The following ITGA4 variants were observed in gnomAD, a reference collection of about 807,000 sequenced individuals.
ITGA4 encodes integrin alpha-4.
ITGA4 carries 63 observed loss-of-function variants against 133.6 expected under a neutral mutation model. The observed-to-expected ratio is 0.47, with a 90% CI of 0.38 to 0.58. The LOEUF (loss-of-function observed/expected upper bound fraction) is 0.58, where lower values mean the gene tolerates loss of function less well. Among genes scored for constraint, ITGA4 ranks in the 20% least tolerant of loss-of-function variants. The pLI is 0.00. For synonymous variants in ITGA4, 483 were observed against 438.0 expected, an observed-to-expected ratio of 1.10 and a Z score of -1.28; for missense variants, 1,076 against 1,252.7, an observed-to-expected ratio of 0.86 and a Z score of 2.13.
At chr2:181,504,648 AG>A (rs1249710236) in intron 15 of ITGA4, among the ~76,000 whole-genome samples, 1 of 152,090 alleles carries the variant, frequency 6.6e-6, no homozygotes, top group Non-Finnish European at 1.5e-5. Flanking sequence ...ATTCTTCATT[AG>A]ATTGCAAGAT....
In ITGA4 at chr2:181,523,309, G is replaced by A; in HGVS notation, c.2074-128G>A. 1.7e-6 allele frequency: 1 copy of A among 592,040 alleles called. No individual in the cohort carries two copies. The highest frequency in any genetic ancestry group is 3.0e-6 in the Non-Finnish European group (1 of 330,320). The allele number at this position is 592,040 out of a possible 1,614,324, so 36.7% of individuals were successfully genotyped here. The stretch of plus-strand genomic sequence containing the variant: ...TCTATTTATCTCAAACATATAAATA[G>A]AAAATAGTTTTCCTAGAAAAGCAAA... On this transcript the variant is annotated intron_variant, in intron 18 of 27. Transcript: ENST00000397033. This position sits in a 1 kb window ranked among gnomAD's most constrained non-coding sequence, Gnocchi z 4.2.
chr2:181,519,254 A>G (rs1484661534), intron 17 of ITGA4, among the ~76,000 whole-genome samples: 1 of 152,100 alleles, frequency 6.6e-6, no homozygotes, highest in Non-Finnish European at 1.5e-5. Context: ...AAAATACAAA[A>G]CCGAACAAAA....
At chr2:181,461,293 G>A (rs1289569407) in intron 2 of ITGA4, among the ~76,000 whole-genome samples, 1 of 150,316 alleles carries the variant, frequency 6.7e-6, no homozygotes, top group Non-Finnish European at 1.5e-5. Context: ...AGAGTTGCCT[G>A]GATAGTACCG....
At chr2:181,490,680 C>A (rs1559045530) in intron 10 of ITGA4, among the ~76,000 whole-genome samples, 1 of 152,100 alleles carries the variant, frequency 6.6e-6, no homozygotes, top group Non-Finnish European at 1.5e-5. Context: ...CCCAGGTCCA[C>A]AACATCCTGG....
At chr2:181,505,848 A>G (rs1186506123) in intron 15 of ITGA4, among the ~76,000 whole-genome samples, 1 of 152,132 alleles carries the variant, frequency 6.6e-6, no homozygotes, top group African/African-American at 2.4e-5. Flanking sequence ...GAATTAAAAC[A>G]GTGGACATGT....
rs201612087 is a variant in ITGA4 at position 181,537,047 on chromosome 2, G to A, written c.*1520G>A. 8.8e-5 allele frequency: 39 copies of A among 444,634 alleles called. No homozygotes were observed. The highest frequency in any genetic ancestry group is 1.6e-4 in the Non-Finnish European group (35 of 221,750). 27.5% of individuals were successfully genotyped at this position (444,634 alleles called of 1,614,324 possible). ...TGAGATTTGCGAAGGCATTTGAGTA[G>A]TGAAATGTAAGCACAAAACCTCCTG... On this transcript the variant is annotated 3_prime_UTR_variant, in exon 28 of 28. Coordinates refer to ENST00000397033, the MANE Select transcript of ITGA4 (RefSeq NM_000885.6).
At chr2:181,472,127 G>A (rs1685568498) in intron 2 of ITGA4, among the ~76,000 whole-genome samples, 1 of 152,156 alleles carries the variant, frequency 6.6e-6, no homozygotes, top group African/African-American at 2.4e-5. Context: ...ACATTGTGAT[G>A]TTACCTGATG....
chr2:181,534,791 GTTTT>G, intron 26 of ITGA4, 21 bp from the exon 27 acceptor site: 5 of 1,553,982 alleles, frequency 3.2e-6, no homozygotes, highest in Non-Finnish European at 4.3e-6. Flanking sequence ...TGGTTTTTGA[GTTTT>G]ATTTTTCTTA....
Position 181,534,862 on chromosome 2 carries a change from C to A in ITGA4, c.2930C>A (p.Thr977Asn). 5 of 1,601,286 alleles carry A rather than the reference C, an allele frequency of 3.1e-6. No individual in the cohort carries two copies. Among genetic ancestry groups the A allele is most frequent in the Non-Finnish European group, 4.3e-6 (5 of 1,175,708 alleles). ...LHHQRPKRYF[T>N]IVIISSSLLL... ...CATCAAAGACCCAAACGTTATTTCACCATAGTGATTATTTCAAGTAGCTTG... is the reference window on the plus strand; with the variant it reads ...CATCAAAGACCCAAACGTTATTTCAACATAGTGATTATTTCAAGTAGCTTG... Residue 977 changes from threonine (T) to asparagine (N), a missense_variant, in exon 27 of 28, where the codon ACC becomes AAC. Coordinates refer to ENST00000397033, the MANE Select transcript of ITGA4 (RefSeq NM_000885.6).
At chr2:181,480,826 T>A (rs545383778) in intron 6 of ITGA4, among the ~76,000 whole-genome samples, 25 of 152,250 alleles carry the variant, frequency 1.6e-4, no homozygotes, top group African/African-American at 5.8e-4. Context: ...TTTTATCATC[T>A]TCCTCCTCCT....
chr2:181,525,306 A>C lies in ITGA4; in HGVS notation c.2339+15A>C. 1 of 1,369,780 alleles carries C rather than the reference A, an allele frequency of 7.3e-7. No individual in the cohort carries two copies. Among genetic ancestry groups the C allele is most frequent in the Non-Finnish European group, 1.0e-6 (1 of 965,022 alleles). 84.9% of individuals were successfully genotyped at this position (1,369,780 alleles called of 1,614,324 possible). ...ACTGTTCATGGGTAAGTAGACATAA[A>C]GGCTTCCTTTCAAATTTAGAGCTGA... On this transcript the variant is annotated intron_variant, in intron 21 of 27. Transcript: ENST00000397033.
At chr2:181,466,833 G>C (rs370891893) in intron 2 of ITGA4, among the ~76,000 whole-genome samples, 1 of 152,126 alleles carries the variant, frequency 6.6e-6, no homozygotes, top group Non-Finnish European at 1.5e-5. Flanking sequence ...AGCGCCCTCT[G>C]CTGGCTCAGT....
At chr2:181,460,120 A>G (rs1559034485) in intron 2 of ITGA4, among the ~76,000 whole-genome samples, 2 of 152,238 alleles carry the variant, frequency 1.3e-5, no homozygotes, top group Admixed American at 6.5e-5. Context: ...AACCTGACTG[A>G]TGAGTAAGAT....
rs143434613 is a variant in ITGA4 at position 181,501,991 on chromosome 2, G to A, written c.1695+3214G>A. 3.2e-3 allele frequency among the ~76,000 whole-genome samples: 491 copies of A among 152,100 alleles called. 4 individuals carry two copies. Among genetic ancestry groups the A allele is most frequent in the African/African-American group, 0.011 (464 of 41,508 alleles). On this transcript the variant is annotated intron_variant, in intron 15 of 27. Coordinates refer to ENST00000397033, the MANE Select transcript of ITGA4 (RefSeq NM_000885.6). ...AGGGCCACCGTCTGTACTCTGGGCCGCTACAACATGAAGAGGTTGGCAAAA... is the reference window on the plus strand; with the variant it reads ...AGGGCCACCGTCTGTACTCTGGGCCACTACAACATGAAGAGGTTGGCAAAA...
At chr2:181,518,464 A>C (rs1686654269) in intron 17 of ITGA4, among the ~76,000 whole-genome samples, 1 of 152,102 alleles carries the variant, frequency 6.6e-6, no homozygotes, top group Non-Finnish European at 1.5e-5. Flanking sequence ...TGAAATAATG[A>C]AGCTTCTATT....
rs141244048 is a variant in ITGA4 at position 181,503,074 on chromosome 2, C to T, written c.1695+4297C>T. ...CAAATTGTTGGAATCGACTATTAAACGGATCGAGCTGCAAAGATGGCATAG... is the reference window on the plus strand; with the variant it reads ...CAAATTGTTGGAATCGACTATTAAATGGATCGAGCTGCAAAGATGGCATAG... On this transcript the variant is annotated intron_variant, in intron 15 of 27. Transcript: ENST00000397033. 7.0e-4 allele frequency among the ~76,000 whole-genome samples: 107 copies of T among 151,986 alleles called. No individual in the cohort carries two copies. The East Asian group carries it at 0.017, about 25-fold the overall frequency.
intron 5 of ITGA4, chr2:181,479,293 C>G (rs1685750284): frequency 6.6e-6 from 1 of 151,972 alleles, no homozygotes; most frequent in Admixed American, 6.6e-5. Context: ...TACTCTCTTT[C>G]TAACATTCTA....
In ITGA4 at chr2:181,478,760, A is replaced by G; in HGVS notation, c.560A>G (p.Tyr187Cys). The change falls in exon 5 of 28, where the codon TAT (tyrosine) becomes TGT (cysteine). Residue 187 changes from tyrosine (Y) to cysteine (C), a missense_variant. Around this residue, in one of 4 missense-constraint regions of ITGA4, gnomAD observed 436 missense variants for 590.7 expected, o/e 0.74. Coordinates refer to ENST00000397033, the MANE Select transcript of ITGA4 (RefSeq NM_000885.6). ...TTGTTTTAATATTTCATTTTAGATT[A>G]TGTGAAAAAATTTGGAGAAAATTTT... is the stretch of plus-strand genomic sequence containing the variant. Reference protein sequence around the residue: ...SKRIAPCYQDYVKKFGENFAS... With the variant: ...SKRIAPCYQDCVKKFGENFAS... 1 of 1,383,188 alleles carries G rather than the reference A, an allele frequency of 7.2e-7. No homozygotes were observed. The highest frequency in any genetic ancestry group is 9.9e-7 in the Non-Finnish European group (1 of 1,010,976). 85.7% of individuals were successfully genotyped at this position (1,383,188 alleles called of 1,614,324 possible). A position where few individuals can be genotyped will look rare whatever the true frequency, so the allele number is the denominator to read the frequency against.
At chr2:181,524,570 C>T (rs1034322688) in intron 20 of ITGA4, among the ~76,000 whole-genome samples, 2 of 152,110 alleles carry the variant, frequency 1.3e-5, no homozygotes, top group African/African-American at 4.8e-5. Context: ...AGGGTAATGA[C>T]TTCCATAGAT....
Sources: allele counts gnomAD v4.1 joint callset (sites outside exome capture counted in the v4.1 genomes callset), GRCh38; gene constraint gnomAD v4.1.1; regional missense constraint gnomAD v4.1.1; non-coding constraint Gnocchi (gnomAD v3.1); transcripts MANE v1.5; gene names NCBI Gene and HGNC (gene_info 2026-07-23, HGNC 2026-07-21).